The following NRK variants were observed in gnomAD, a reference collection of about 807,000 sequenced individuals.
NRK encodes nik-related protein kinase.
Under a neutral mutation model 125.2 loss-of-function variants are expected in NRK, and 67 were observed. The ratio of observed to expected loss-of-function variants is 0.54; its 90% CI spans 0.44 to 0.66. NRK has a LOEUF of 0.66. NRK is among the 30% of genes least tolerant of loss of function. NRK has a pLI of 0.00. For missense variants in NRK, 1,224 were observed against 1,192.9 expected (o/e 1.03, Z -0.38); for synonymous variants, 458 against 429.0 (o/e 1.07, Z -0.84).
At chrX:105,835,551 TC>T (rs1170255749) in intron 2 of NRK, among the ~76,000 whole-genome samples, 1 of 110,297 alleles carries the variant, frequency 9.1e-6, no homozygotes, top group East Asian at 2.8e-4. Context: ...AGTTATCCTT[TC>T]CCTCTTCTAG....
chrX:105,863,934 G>A (rs1172984274), intron 2 of NRK, among the ~76,000 whole-genome samples: 1 of 112,227 alleles, frequency 8.9e-6, no homozygotes. Flanking sequence ...TCAACTCATG[G>A]GAATGACTTG....
At chrX:105,878,773 C>T (rs1165553499) in intron 2 of NRK, among the ~76,000 whole-genome samples, 2 of 111,449 alleles carry the variant, frequency 1.8e-5, no homozygotes, top group East Asian at 2.8e-4. Flanking sequence ...CTGGACATTT[C>T]CTTGTGCCTT....
intron 19 of NRK, among the ~76,000 whole-genome samples, chrX:105,932,722 C>T (rs1003305639): frequency 9.0e-6 from 1 of 111,079 alleles, no homozygotes; most frequent in African/African-American, 3.3e-5. Context: ...CATGAATCAG[C>T]GCTCCTGTGC....
intron 1 of NRK, among the ~76,000 whole-genome samples, chrX:105,828,679 C>T (rs974613581): frequency 5.4e-5 from 6 of 111,621 alleles, no homozygotes; most frequent in African/African-American, 1.9e-4. Context: ...AAATAAATCC[C>T]TCAATGATAT....
At chrX:105,896,549 A>G (rs917831174) in intron 7 of NRK, among the ~76,000 whole-genome samples, 2 of 111,963 alleles carry the variant, frequency 1.8e-5, no homozygotes, top group African/African-American at 3.3e-5. Context: ...TTTAAAATAC[A>G]TAAGGAGAGG....
At chrX:105,833,094 A>C (rs1461196830) in intron 2 of NRK, among the ~76,000 whole-genome samples, 1 of 111,837 alleles carries the variant, frequency 8.9e-6, no homozygotes, top group African/African-American at 3.2e-5. Flanking sequence ...ACTGAGTAGT[A>C]GAAATAGCAT....
chrX:105,891,166 G>T (rs932079017), intron 5 of NRK, among the ~76,000 whole-genome samples: 64 of 111,359 alleles, frequency 5.7e-4, no homozygotes, highest in African/African-American at 2.1e-3. Flanking sequence ...TTTCCAAATG[G>T]TAAGTTGACT....
At chrX:105,945,217 T>G (rs747329736) in intron 24 of NRK, among the ~76,000 whole-genome samples, 2 of 111,487 alleles carry the variant, frequency 1.8e-5, no homozygotes, top group East Asian at 5.7e-4. Flanking sequence ...TTAGCAGATG[T>G]TCCAGGTGAT....
intron 2 of NRK, among the ~76,000 whole-genome samples, chrX:105,841,108 A>T (rs1196021838): frequency 9.0e-6 from 1 of 111,153 alleles, no homozygotes; most frequent in African/African-American, 3.3e-5. Context: ...ACATTCTACC[A>T]TACTTGTGCA....
intron 2 of NRK, among the ~76,000 whole-genome samples, chrX:105,851,592 C>T (rs1224162769): frequency 8.9e-6 from 1 of 111,954 alleles, no homozygotes; most frequent in East Asian, 2.8e-4. Context: ...GAGTGGGTCT[C>T]ACCTTAATCC....
chrX:105,833,102 C>T (rs1189928756), intron 2 of NRK, among the ~76,000 whole-genome samples: 1 of 111,371 alleles, frequency 9.0e-6, no homozygotes, highest in Non-Finnish European at 1.9e-5. Flanking sequence ...GTAGAAATAG[C>T]ATGTGGACAG....
chrX:105,933,150 G>A (rs1413964725), intron 19 of NRK, among the ~76,000 whole-genome samples: 1 of 103,830 alleles, frequency 9.6e-6, no homozygotes, highest in Non-Finnish European at 2.0e-5. Flanking sequence ...GTGTCAGTGG[G>A]AAAATATCTA....
chrX:105,918,426 TTAA>T (rs1489660057), intron 16 of NRK, among the ~76,000 whole-genome samples: 2 of 111,164 alleles, frequency 1.8e-5, no homozygotes, highest in Non-Finnish European at 3.8e-5. Context: ...TATTAAAATG[TTAA>T]TAATAAAAAT....
At chrX:105,893,806 T>C (rs2040045163) in intron 5 of NRK, 26 bp from the exon 6 acceptor site, 1 of 996,936 alleles carries the variant, frequency 1.0e-6, no homozygotes, top group Non-Finnish European at 1.4e-6. Context: ...ACACTAATTT[T>C]TTATACTTTG....
Position 105,935,183 on chromosome X carries a change from C to T in NRK, c.3513C>T (p.Phe1171=), listed in dbSNP as rs765030639. 44 of 1,191,178 alleles carry T rather than the reference C, an allele frequency of 3.7e-5. No homozygotes were observed. The highest frequency in any genetic ancestry group is 1.2e-4 in the African/African-American group (7 of 56,533). The change falls in exon 21 of 29, where the codon TTC becomes TTT. Residue 1171 remains phenylalanine (F), a synonymous_variant. Coordinates refer to ENST00000243300, the MANE Select transcript of NRK (RefSeq NM_198465.4). ...ACATCTTTGCAGTATACGCTGGATT[C>T]GTAGAAGTACCTGAGGAATCACCTA... ...NFASAILYAG[F]VEVPEESPKQ... is the part of the protein sequence containing the mutation.
intron 2 of NRK, among the ~76,000 whole-genome samples, chrX:105,860,293 A>T (rs1370118443): frequency 9.0e-6 from 1 of 111,516 alleles, no homozygotes; most frequent in Admixed American, 9.6e-5. Flanking sequence ...CCTTTAATAT[A>T]TGAGTATTAT....
chrX:105,826,073 C>T (rs1393075486), intron 1 of NRK, among the ~76,000 whole-genome samples: 2 of 96,214 alleles, frequency 2.1e-5, no homozygotes, highest in Admixed American at 1.3e-4. Context: ...TATATATATA[C>T]ACATACACAC....
At chrX:105,928,178 GGTTT>G (rs1175607437) in intron 19 of NRK, among the ~76,000 whole-genome samples, 3 of 110,965 alleles carry the variant, frequency 2.7e-5, no homozygotes, top group African/African-American at 9.8e-5. Context: ...ATTCATTATT[GGTTT>G]GTTTAGGCTT....
chrX:105,878,314 T>C (rs1325748601), intron 2 of NRK, among the ~76,000 whole-genome samples: 1 of 110,961 alleles, frequency 9.0e-6, no homozygotes, highest in Non-Finnish European at 1.9e-5. Context: ...AGTTCAGGTG[T>C]CATTACAATC....
Sources: allele counts gnomAD v4.1 joint callset (sites outside exome capture counted in the v4.1 genomes callset), GRCh38; gene constraint gnomAD v4.1.1; transcripts MANE v1.5; gene names NCBI Gene and HGNC (gene_info 2026-07-23, HGNC 2026-07-21).